The following COQ8A variants were observed in gnomAD, a reference collection of about 807,000 sequenced individuals.
COQ8A encodes the protein atypical kinase COQ8A, mitochondrial.
COQ8A carries 51 observed loss-of-function variants against 65.0 expected under a neutral mutation model. The ratio of observed to expected loss-of-function variants is 0.78; its 90% CI spans 0.63 to 0.99. COQ8A has a LOEUF of 0.99. Ranked by LOEUF, COQ8A falls within the 50% of genes least tolerant of loss-of-function variation. COQ8A has a pLI of 0.00. For synonymous variants in COQ8A, 371 were observed against 353.2 expected (o/e 1.05, Z -0.57); for missense variants, 940 against 875.0 (o/e 1.07, Z -0.94).
In COQ8A at chr1:226,987,111, ACGATTG is replaced by A; in HGVS notation, c.*375_*380del. ...GCAAAACCCAGAAACATGAACAGAT[ACGATTG>A]TGGGATTTTATCATCTGTGTAGTAG... On this transcript the variant is annotated 3_prime_UTR_variant, in exon 15 of 15. Transcript: ENST00000366777. 1 of 294,318 alleles carries A rather than the reference ACGATTG, an allele frequency of 3.4e-6. No homozygotes were observed. The highest frequency in any genetic ancestry group is 8.2e-5 in the East Asian group (1 of 12,248). The allele number at this position is 294,318 out of a possible 1,614,324, so 18.2% of individuals were successfully genotyped here. A position where few individuals can be genotyped will look rare whatever the true frequency, so the allele number is the denominator to read the frequency against.
intron 14 of COQ8A, among the ~76,000 whole-genome samples, chr1:226,986,146 G>A (rs560551344): frequency 3.9e-5 from 6 of 152,242 alleles, no homozygotes; most frequent in East Asian, 1.9e-4. Context: ...TTAGGCCCAC[G>A]GACTCTGTTC....
At chr1:226,954,519 G>T (rs141274935) in intron 1 of COQ8A, among the ~76,000 whole-genome samples, 2 of 152,266 alleles carry the variant, frequency 1.3e-5, no homozygotes, top group East Asian at 1.9e-4. Flanking sequence ...ACCCTTAGGG[G>T]TGTGGCCCAG....
Position 226,949,757 on chromosome 1 carries a change from T to C in COQ8A, c.-10+9358T>C, listed in dbSNP as rs1657262176. 6.6e-6 allele frequency among the ~76,000 whole-genome samples: 1 copy of C among 152,244 alleles called. No individual in the cohort carries two copies. The highest frequency in any genetic ancestry group is 2.4e-5 in the African/African-American group (1 of 41,460). ...AATGTCTGTGTGCTTGCAATACTAC[T>C]ACTAATAATAATGGCATTAGCTAAT... On this transcript the variant is annotated intron_variant, in intron 1 of 14. Transcript: ENST00000366777. This position sits in a 1 kb window ranked among gnomAD's most constrained non-coding sequence, Gnocchi z 4.0.
intron 3 of COQ8A, 103 bp from the exon 4 acceptor site, chr1:226,965,568 C>G: frequency 5.9e-6 from 9 of 1,518,096 alleles, no homozygotes; most frequent in Non-Finnish European, 8.2e-6. Context: ...GGCGGAGCTG[C>G]TGACTGTGGG....
chr1:226,950,198 G>C (rs757329927), intron 1 of COQ8A, among the ~76,000 whole-genome samples: 8 of 152,094 alleles, frequency 5.3e-5, no homozygotes, highest in African/African-American at 9.7e-5. Flanking sequence ...ATGCAGGTTC[G>C]CTCACAGTGT....
chr1:226,978,772 C>T (rs1364352105), intron 5 of COQ8A, among the ~76,000 whole-genome samples: 1 of 120,338 alleles, frequency 8.3e-6, no homozygotes, highest in African/African-American at 2.7e-5. Flanking sequence ...ACCCGCATAC[C>T]TCCGTACACA....
chr1:226,983,000 T>C lies in COQ8A; in HGVS notation c.1046T>C (p.Met349Thr). 6.3e-7 allele frequency: 1 copy of C among 1,597,972 alleles called. No individual in the cohort carries two copies. Among genetic ancestry groups the C allele is most frequent in the Non-Finnish European group, 8.5e-7 (1 of 1,173,106 alleles). ...ATTGGGCAGGTGCACTTGGCCCGAATGAAGGGCGGCCGCGAGGTGGCCATG... is the reference window on the plus strand; with the variant it reads ...ATTGGGCAGGTGCACTTGGCCCGAACGAAGGGCGGCCGCGAGGTGGCCATG... The part of the protein sequence containing the change: ...ASIGQVHLAR[M>T]KGGREVAMKI... Residue 349 changes from methionine to threonine, a missense_variant, in exon 8 of 15, where the codon ATG becomes ACG. By Grantham distance (81) the Met-to-Thr change is moderately conservative. Coordinates refer to ENST00000366777, the MANE Select transcript of COQ8A (RefSeq NM_020247.5).
rs565561517 is a variant in COQ8A, at chr1:226,986,765, C to T, written c.*28C>T. ...CTGCGGGCCACGCCCAGGCCGGCTCCGCGGGAACTCTCTCCCTCAGACAGG... is the reference window on the plus strand; with the variant it reads ...CTGCGGGCCACGCCCAGGCCGGCTCTGCGGGAACTCTCTCCCTCAGACAGG... On this transcript the variant is annotated 3_prime_UTR_variant, in exon 15 of 15. Transcript: ENST00000366777. 13 of 1,604,956 alleles carry T rather than the reference C, an allele frequency of 8.1e-6. No homozygotes were observed. The highest frequency in any genetic ancestry group is 1.7e-5 in the Admixed American group (1 of 59,360).
intron 1 of COQ8A, among the ~76,000 whole-genome samples, chr1:226,957,654 A>G (rs1442030547): frequency 6.6e-6 from 1 of 152,132 alleles, no homozygotes; most frequent in African/African-American, 2.4e-5. Context: ...TCCTGAGTGG[A>G]CAGTGTGTGA....
At chr1:226,982,183 G>T in intron 6 of COQ8A, 34 bp downstream of exon 6, 1 of 1,549,184 alleles carries the variant, frequency 6.5e-7, no homozygotes, top group Non-Finnish European at 8.7e-7. Flanking sequence ...CCCCGGGACT[G>T]CGTGGGCTGC....
chr1:226,964,735 G>A (rs1658454469), intron 2 of COQ8A, among the ~76,000 whole-genome samples: 1 of 152,218 alleles, frequency 6.6e-6, no homozygotes, highest in Admixed American at 6.5e-5. Context: ...GTGTGCACTT[G>A]GCCTGGCCCC....
At chr1:226,941,795 C>G (rs942475588) in intron 1 of COQ8A, among the ~76,000 whole-genome samples, 7 of 149,986 alleles carry the variant, frequency 4.7e-5, no homozygotes, top group Non-Finnish European at 7.4e-5. Flanking sequence ...AAAAAAGGCT[C>G]AGGCAATGGC....
Position 226,983,628 on chromosome 1 carries a change from C to G in COQ8A, c.1157C>G (p.Pro386Arg), listed in dbSNP as rs1659855044. 1 of 1,613,868 alleles carries G rather than the reference C, an allele frequency of 6.2e-7. No individual in the cohort carries two copies. The highest frequency in any genetic ancestry group is 8.5e-7 in the Non-Finnish European group (1 of 1,180,018). The stretch of plus-strand genomic sequence containing the variant: ...GTGTTGAACATGAGCAACATGCTTC[C>G]AGAAGGTCTGAGGCTAGGTGGTTGG... ...MAVLNMSNML[P>R]EGLFPEHLID... is the part of the protein sequence containing the mutation. The change falls in exon 9 of 15, where the codon CCA (proline) becomes CGA (arginine). Residue 386 changes from proline to arginine, a missense_variant. Pro to Arg is a moderately radical substitution (Grantham distance 103). Coordinates refer to ENST00000366777, the MANE Select transcript of COQ8A (RefSeq NM_020247.5).
intron 11 of COQ8A, 55 bp downstream of exon 11, chr1:226,984,290 T>C: frequency 1.2e-6 from 2 of 1,607,804 alleles, no homozygotes; most frequent in Non-Finnish European, 1.7e-6. Flanking sequence ...GTGTGGCTGT[T>C]TGGTGACCTA....
intron 13 of COQ8A, 68 bp downstream of exon 13, chr1:226,985,009 C>T (rs938331044): frequency 1.6e-5 from 25 of 1,574,936 alleles, no homozygotes; most frequent in Middle Eastern, 1.7e-4. Context: ...CTGGGGGACT[C>T]GGGGTAGGGA....
Position 226,965,427 on chromosome 1 carries a change from C to A in COQ8A, c.588+17C>A. ...AAACAGACGGTGCGTATGGGAGGCC[C>A]CTGGAGGGCCGAGGTAGCTGCCACC... On this transcript the variant is annotated intron_variant, in intron 3 of 14. Transcript: ENST00000366777. 6.2e-7 allele frequency: 1 copy of A among 1,602,832 alleles called. No individual in the cohort carries two copies. The highest frequency in any genetic ancestry group is 8.5e-7 in the Non-Finnish European group (1 of 1,176,282).
intron 1 of COQ8A, among the ~76,000 whole-genome samples, chr1:226,960,219 T>TG (rs1398377191): frequency 7.0e-6 from 1 of 142,824 alleles, no homozygotes; most frequent in Non-Finnish European, 1.5e-5. Context: ...GTGGTGGTGG[T>TG]GGTGATGGTA....
intron 2 of COQ8A, among the ~76,000 whole-genome samples, chr1:226,963,119 CG>C (rs911759900): frequency 5.3e-5 from 8 of 152,210 alleles, no homozygotes; most frequent in African/African-American, 1.9e-4. Context: ...GCCTCCTACT[CG>C]GGCACTCTCC....
rs1657038754 is a variant in COQ8A at position 226,946,274 on chromosome 1, G to A, written c.-10+5875G>A. Among the ~76,000 whole-genome samples, 1 of 152,186 alleles carries A rather than the reference G, an allele frequency of 6.6e-6. No individual in the cohort carries two copies. Among genetic ancestry groups the A allele is most frequent in the South Asian group, 2.1e-4 (1 of 4,826 alleles). ...AAGAGATGAGGGAGTTTAGAGGAAA[G>A]GAGATGACTTGCCTATGGAGGGGTT... On this transcript the variant is annotated intron_variant, in intron 1 of 14. Transcript: ENST00000366777. This position sits in a 1 kb window ranked among gnomAD's most constrained non-coding sequence, Gnocchi z 5.3.
Sources: gnomAD v4.1 joint callset for allele counts (sites outside exome capture counted in the v4.1 genomes callset) on GRCh38, gnomAD v4.1.1 for gene constraint, Gnocchi (gnomAD v3.1) non-coding constraint, MANE v1.5 for transcripts, NCBI Gene and HGNC (gene_info 2026-07-23, HGNC 2026-07-21) for gene names.